The following COL25A1 variants were observed in gnomAD, a reference collection of about 807,000 sequenced individuals.
The protein encoded by COL25A1 is collagen type XXV alpha 1 chain.
A neutral mutation model predicts 128.4 loss-of-function variants in COL25A1; 103 were observed. The observed-to-expected ratio is 0.80, with a 90% confidence interval of 0.68 to 0.94. COL25A1 has a LOEUF of 0.94. Among genes scored for constraint, COL25A1 ranks in the 40% least tolerant of loss-of-function variants. The probability of loss-of-function intolerance (pLI) is 0.00; values close to 1 mark genes in which losing one functional copy is unlikely to be tolerated. For missense variants in COL25A1, 745 were observed against 840.0 expected, an observed-to-expected ratio of 0.89 and a Z score of 1.40; for synonymous variants, 279 against 277.2, an observed-to-expected ratio of 1.01 and a Z score of -0.06.
chr4:109,147,173 T>C (rs1771022334), intron 3 of COL25A1, among the ~76,000 whole-genome samples: 1 of 152,230 alleles, frequency 6.6e-6, no homozygotes, highest in Non-Finnish European at 1.5e-5. Flanking sequence ...TGTTATTCAA[T>C]TTAAAATTCC....
At chr4:108,967,227 G>A (rs750742126) in intron 8 of COL25A1, among the ~76,000 whole-genome samples, 1 of 152,164 alleles carries the variant, frequency 6.6e-6, no homozygotes, top group Non-Finnish European at 1.5e-5. Context: ...AGTGATTGGC[G>A]TATTTTAGGA....
chr4:109,080,155 T>C (rs889381549), intron 3 of COL25A1, among the ~76,000 whole-genome samples: 2 of 152,144 alleles, frequency 1.3e-5, no homozygotes, highest in Admixed American at 1.3e-4. Flanking sequence ...TATTAATCAC[T>C]CTTGTAATCC....
chr4:109,065,894 G>A (rs944198070), intron 3 of COL25A1, among the ~76,000 whole-genome samples: 10 of 152,156 alleles, frequency 6.6e-5, no homozygotes, highest in African/African-American at 2.4e-4. Flanking sequence ...AATATGGTCA[G>A]ATTAAAGGTA....
At chr4:108,823,476 A>G (rs1732010739) in intron 35 of COL25A1, among the ~76,000 whole-genome samples, 1 of 152,164 alleles carries the variant, frequency 6.6e-6, no homozygotes, top group South Asian at 2.1e-4. Context: ...AGGAGAGGAA[A>G]GGAAAAATTG....
At chr4:108,855,714 G>A (rs1471768997) in intron 24 of COL25A1, among the ~76,000 whole-genome samples, 1 of 152,102 alleles carries the variant, frequency 6.6e-6, no homozygotes, top group Non-Finnish European at 1.5e-5. Context: ...AAATGATTTT[G>A]TTAAATAACT....
chr4:109,057,989 G>A (rs536076306), intron 3 of COL25A1, among the ~76,000 whole-genome samples: 2 of 152,258 alleles, frequency 1.3e-5, no homozygotes, highest in South Asian at 2.1e-4. Flanking sequence ...TGAGTGCAAC[G>A]TTTTCTGGGC....
chr4:108,886,366 G>A (rs1740769391), intron 18 of COL25A1, among the ~76,000 whole-genome samples: 1 of 151,312 alleles, frequency 6.6e-6, no homozygotes, highest in Non-Finnish European at 1.5e-5. Context: ...ACAGCCCACG[G>A]GCCACATGCA....
Position 108,937,817 on chromosome 4 carries a change from T to C in COL25A1, c.699A>G (p.Gln233=). 6.2e-7 allele frequency: 1 copy of C among 1,608,248 alleles called. No individual in the cohort carries two copies. Among genetic ancestry groups the C allele is most frequent in the Non-Finnish European group, 8.5e-7 (1 of 1,177,518 alleles). The change falls in exon 11 of 38, where the codon CAA becomes CAG. Residue 233 remains glutamine (Q), a synonymous_variant. Coordinates refer to ENST00000399132, the MANE Select transcript of COL25A1 (RefSeq NM_198721.4). ...VPGEPGKPGE[Q]GLMGPLGPPG... The stretch of plus-strand genomic sequence containing the variant: ...AAACTGAGATACTTGCCATCAAGCC[T>C]TGTTCTCCTGGCTTTCCTGGTTCAC...
chr4:109,187,479 T>C (rs1775243829), intron 3 of COL25A1, among the ~76,000 whole-genome samples: 1 of 152,186 alleles, frequency 6.6e-6, no homozygotes, highest in African/African-American at 2.4e-5. Flanking sequence ...TTTCCTCATT[T>C]GTAAGATTGC....
chr4:109,124,508 A>G (rs1768402478), intron 3 of COL25A1, among the ~76,000 whole-genome samples: 1 of 152,058 alleles, frequency 6.6e-6, no homozygotes. Flanking sequence ...ATGTCACATA[A>G]AAAACATCAG....
chr4:109,055,366 C>A (rs1345128340), intron 3 of COL25A1, among the ~76,000 whole-genome samples: 3 of 152,120 alleles, frequency 2.0e-5, no homozygotes, highest in East Asian at 1.9e-4. Context: ...TTAAGTAAAA[C>A]CTCCATGACT....
intron 3 of COL25A1, among the ~76,000 whole-genome samples, chr4:109,107,004 A>G (rs1199744325): frequency 6.6e-6 from 1 of 152,136 alleles, no homozygotes; most frequent in East Asian, 1.9e-4. Flanking sequence ...CCTGGGCTCA[A>G]GCAACTCTTC....
At chr4:109,085,484 C>T (rs1764269550) in intron 3 of COL25A1, among the ~76,000 whole-genome samples, 1 of 152,182 alleles carries the variant, frequency 6.6e-6, no homozygotes, top group South Asian at 2.1e-4. Flanking sequence ...TTCACCTGGA[C>T]AACTATAAAG....
At chr4:109,020,943 C>T (rs2125900153) in intron 5 of COL25A1, among the ~76,000 whole-genome samples, 1 of 152,262 alleles carries the variant, frequency 6.6e-6, no homozygotes, top group East Asian at 1.9e-4. Flanking sequence ...AACTTTTTGA[C>T]TTTCACAATG....
intron 3 of COL25A1, among the ~76,000 whole-genome samples, chr4:109,070,660 A>T (rs1265283252): frequency 1.3e-5 from 2 of 149,796 alleles, no homozygotes; most frequent in Non-Finnish European, 3.0e-5. Context: ...TACATTAGGT[A>T]TAACTCCTAA....
chr4:109,207,898 T>C (rs1032125041), intron 3 of COL25A1, among the ~76,000 whole-genome samples: 1 of 152,190 alleles, frequency 6.6e-6, no homozygotes, highest in Non-Finnish European at 1.5e-5. Context: ...TGCTTCTCAA[T>C]GTGATACTTT....
intron 3 of COL25A1, among the ~76,000 whole-genome samples, chr4:109,148,478 A>G (rs1310585091): frequency 6.6e-6 from 1 of 152,148 alleles, no homozygotes; most frequent in Non-Finnish European, 1.5e-5. Flanking sequence ...AGGTACCCAA[A>G]TTAGAAACTG....
At chr4:109,270,454 T>C (rs972630090) in intron 3 of COL25A1, among the ~76,000 whole-genome samples, 7 of 152,092 alleles carry the variant, frequency 4.6e-5, no homozygotes, top group African/African-American at 1.7e-4. Flanking sequence ...AAATCATGAG[T>C]GAACTCCCAT....
At chr4:108,949,473 G>T (rs1487657886) in intron 8 of COL25A1, among the ~76,000 whole-genome samples, 1 of 152,022 alleles carries the variant, frequency 6.6e-6, no homozygotes, top group African/African-American at 2.4e-5. Context: ...AGAGCCAAGA[G>T]TCACCCCCTG....
Sources: allele counts gnomAD v4.1 joint callset (sites outside exome capture counted in the v4.1 genomes callset), GRCh38; gene constraint gnomAD v4.1.1; transcripts MANE v1.5; gene names NCBI Gene and HGNC (gene_info 2026-07-23, HGNC 2026-07-21).